The following CHDH variants were observed in gnomAD, a reference collection of about 807,000 sequenced individuals.
CHDH encodes the protein choline dehydrogenase, mitochondrial.
CHDH carries 43 observed loss-of-function variants against 56.9 expected under a neutral mutation model. The observed-to-expected ratio is 0.76, with a 90% CI of 0.59 to 0.97. The LOEUF is 0.97. CHDH is among the 50% of genes least tolerant of loss of function. The probability of loss-of-function intolerance (pLI) is 0.00; values close to 1 mark genes in which losing one functional copy is unlikely to be tolerated. For missense variants in CHDH, 816 were observed against 821.1 expected (o/e 0.99, Z 0.08); for synonymous variants, 364 against 348.5 (o/e 1.04, Z -0.50).
At chr3:53,840,090 G>A (rs1576806849) in intron 2 of CHDH, among the ~76,000 whole-genome samples, 1 of 152,176 alleles carries the variant, frequency 6.6e-6, no homozygotes, top group Non-Finnish European at 1.5e-5. Context: ...GTTAAAGATA[G>A]ACAGTTAGAT....
In CHDH at chr3:53,820,385, A is replaced by G. The variant is rs1230722581; in HGVS notation, c.1120+89T>C. ...AATGGCATAGTTCCGCATCAAACCC[A>G]GTGGCCAGAACCCCTGTTCAGCTCC... On this transcript the variant is annotated intron_variant, in intron 6 of 8. Coordinates refer to ENST00000315251, the MANE Select transcript of CHDH (RefSeq NM_018397.5). The G allele has an allele frequency of 4.8e-6, 7 of 1,460,130 alleles. 1 individual carries two copies. The highest frequency in any genetic ancestry group is 4.1e-4 in the Middle Eastern group (2 of 4,932). The allele number at this position is 1,460,130 out of a possible 1,614,324, so 90.4% of individuals were successfully genotyped here.
At position 53,821,735 on chromosome 3, in the gene CHDH, G is replaced by A. The variant is rs768164442; in HGVS notation, c.897C>T (p.Ile299=). The A allele has an allele frequency of 8.1e-6, 13 of 1,613,926 alleles. No individual in the cohort carries two copies. The highest frequency in any genetic ancestry group is 1.7e-5 in the Admixed American group (1 of 60,000). The change falls in exon 5 of 9, where the codon ATC becomes ATT. Residue 299 remains isoleucine, a synonymous_variant. Coordinates refer to ENST00000315251, the MANE Select transcript of CHDH (RefSeq NM_018397.5). The part of the protein sequence containing the change: ...SKEVILSGGA[I]NSPQLLMLSG... ...AGAGCATGAGCAGCTGTGGAGAGTTGATGGCACCTCCACTCAGAATCACCT... is the reference window on the plus strand; with the variant it reads ...AGAGCATGAGCAGCTGTGGAGAGTTAATGGCACCTCCACTCAGAATCACCT...
intron 5 of CHDH, 77 bp downstream of exon 5, chr3:53,821,570 A>G (rs920746800): frequency 4.0e-5 from 53 of 1,313,086 alleles, no homozygotes; most frequent in Non-Finnish European, 5.7e-5. Flanking sequence ...TCCCCACTTC[A>G]TGCTAATAAG....
chr3:53,819,941 C>A lies in CHDH; in HGVS notation c.1121-267G>T, dbSNP rs1466700248. Among the ~76,000 whole-genome samples, 2 of 152,246 alleles carry A rather than the reference C, an allele frequency of 1.3e-5. No individual in the cohort carries two copies. Among genetic ancestry groups the A allele is most frequent in the East Asian group, 3.8e-4 (2 of 5,198 alleles). The stretch of plus-strand genomic sequence containing the variant: ...CCAATTCTGCCACTGCCCATGCCAC[C>A]TGCCTTACCGGCTCTTCCCACTACC... On this transcript the variant is annotated intron_variant, in intron 6 of 8. Transcript: ENST00000315251. The surrounding 1 kb of genome is among the most constrained non-coding windows in gnomAD (Gnocchi z 5.4).
Position 53,823,838 on chromosome 3 carries a change from C to T in CHDH, c.171G>A (p.Gly57=). The T allele has an allele frequency of 1.3e-6, 2 of 1,587,876 alleles. No homozygotes were observed. Among genetic ancestry groups the T allele is most frequent in the Non-Finnish European group, 1.7e-6 (2 of 1,174,374 alleles). The change falls in exon 3 of 9, where the codon GGG becomes GGA. Residue 57 remains glycine, a synonymous_variant. Coordinates refer to ENST00000315251, the MANE Select transcript of CHDH (RefSeq NM_018397.5). Reference sequence around the variant, plus strand: ...GCTCGGCGGGGTCCTCCGTGAGCCTCCCAGCCAGCACGCAGCCCGCCGAGC... The same window carrying T: ...GCTCGGCGGGGTCCTCCGTGAGCCTTCCAGCCAGCACGCAGCCCGCCGAGC... ...GAGSAGCVLA[G]RLTEDPAERV... is the part of the protein sequence containing the mutation.
intron 4 of CHDH, among the ~76,000 whole-genome samples, chr3:53,822,051 G>C (rs2095627570): frequency 6.6e-6 from 1 of 152,028 alleles, no homozygotes. Context: ...GCATTCAAGT[G>C]GGTGGTTTAG....
intron 1 of CHDH, chr3:53,844,727 T>G (rs568256411): frequency 6.6e-6 from 1 of 152,420 alleles, no homozygotes; most frequent in South Asian, 2.1e-4. Context: ...TGAACGCATG[T>G]TAGTGAATGG....
In CHDH at chr3:53,818,211, A is replaced by G; in HGVS notation, c.1367-16T>C. ...ATATCAGTTTCTGTCGAGGAGAAGA[A>G]ACAGGTGAGGACCCCTCCTTTTGCC... On this transcript the variant is annotated splice_polypyrimidine_tract_variant and intron_variant, in intron 8 of 8. Transcript: ENST00000315251. The G allele has an allele frequency of 6.3e-7, 1 of 1,583,268 alleles. No individual in the cohort carries two copies. The highest frequency in any genetic ancestry group is 8.6e-7 in the Non-Finnish European group (1 of 1,166,512).
Position 53,813,687 on chromosome 3 carries a change from C to T in CHDH, c.*4090G>A, listed in dbSNP as rs1267803781. 1.3e-5 allele frequency: 2 copies of T among 152,186 alleles called. No individual in the cohort carries two copies. The highest frequency in any genetic ancestry group is 4.8e-5 in the African/African-American group (2 of 41,438). 9.4% of individuals were successfully genotyped at this position (152,186 alleles called of 1,614,324 possible). On this transcript the variant is annotated 3_prime_UTR_variant, in exon 9 of 9. Transcript: ENST00000315251. ...ATTTCCTAGTATGTCTGCTTTAAGC[C>T]TGGTTCAACCTCTCATCGAATATTA...
At position 53,823,935 on chromosome 3, in the gene CHDH, A is replaced by AG. The variant is rs1214552786; in HGVS notation, c.73dup (p.Leu25ProfsTer12). 1 of 1,540,254 alleles carries AG rather than the reference A, an allele frequency of 6.5e-7. No individual in the cohort carries two copies. The highest frequency in any genetic ancestry group is 2.0e-5 in the Admixed American group (1 of 50,290). On this transcript the variant is annotated frameshift_variant, in exon 3 of 9. Coordinates refer to ENST00000315251, the MANE Select transcript of CHDH (RefSeq NM_018397.5). LOFTEE classifies it high-confidence loss of function. ...TGCGCTGGCCAGGGCCCGGGCACCC[A>AG]GGGATTGCTGCTGCCCCAGGGCTCC...
chr3:53,818,283 G>A (rs1350206319), intron 8 of CHDH, 88 bp from the exon 9 acceptor site: 1 of 1,200,606 alleles, frequency 8.3e-7, no homozygotes, highest in Non-Finnish European at 1.1e-6. Flanking sequence ...GGCTCTGTAA[G>A]CTGTCTGAGG....
Position 53,812,342 on chromosome 3 carries a change from A to G in CHDH, c.*5435T>C, listed in dbSNP as rs781612090. 1 of 152,252 alleles carries G rather than the reference A, an allele frequency of 6.6e-6. No homozygotes were observed. Among genetic ancestry groups the G allele is most frequent in the African/African-American group, 2.4e-5 (1 of 41,470 alleles). 9.4% of individuals were successfully genotyped at this position (152,252 alleles called of 1,614,324 possible). On this transcript the variant is annotated 3_prime_UTR_variant, in exon 9 of 9. Coordinates refer to ENST00000315251, the MANE Select transcript of CHDH (RefSeq NM_018397.5). ...ATCCAGAAGTAGAAGAAATAGAGCC[A>G]ATTCTCATTTATTCAGCGAAAATCC...
Position 53,823,497 on chromosome 3 carries a change from T to G in CHDH, c.512A>C (p.Gln171Pro), listed in dbSNP as rs1576784355. ...AHCLPYFRKA[Q>P]GHELGASRYR... ...CCGGCTGGCGCCCAGCTCGTGGCCC[T>G]GCGCCTTGCGGAAGTAGGGCAGGCA... Residue 171 changes from glutamine to proline, a missense_variant, in exon 3 of 9, where the codon CAG becomes CCG. By Grantham distance (76) the Gln-to-Pro change is moderately conservative. Coordinates refer to ENST00000315251, the MANE Select transcript of CHDH (RefSeq NM_018397.5). 14 of 1,543,070 alleles carry G rather than the reference T, an allele frequency of 9.1e-6. No homozygotes were observed. The highest frequency in any genetic ancestry group is 1.2e-5 in the Non-Finnish European group (14 of 1,145,674).
chr3:53,826,336 G>T (rs2095639045), intron 2 of CHDH, among the ~76,000 whole-genome samples: 1 of 149,554 alleles, frequency 6.7e-6, no homozygotes, highest in Non-Finnish European at 1.5e-5. Context: ...AACCACTACA[G>T]ACCAATATCT....
rs1008082485 is a variant in CHDH, at chr3:53,815,766, C to T, written c.*2011G>A. 4 of 152,190 alleles carry T rather than the reference C, an allele frequency of 2.6e-5. No individual in the cohort carries two copies. The highest frequency in any genetic ancestry group is 1.5e-5 in the Non-Finnish European group (1 of 68,062). 9.4% of individuals were successfully genotyped at this position (152,190 alleles called of 1,614,324 possible). A position where few individuals can be genotyped will look rare whatever the true frequency, so the allele number is the denominator to read the frequency against. On this transcript the variant is annotated 3_prime_UTR_variant, in exon 9 of 9. Coordinates refer to ENST00000315251, the MANE Select transcript of CHDH (RefSeq NM_018397.5). ...AAGGGTCAGCACAGTCATGGTTGGT[C>T]CAGGACTATCCCCTGCCCCTGAATC...
chr3:53,828,187 A>ACG (rs1559756309), intron 2 of CHDH, among the ~76,000 whole-genome samples: 1 of 151,922 alleles, frequency 6.6e-6, no homozygotes, highest in Non-Finnish European at 1.5e-5. Flanking sequence ...ACACACACAC[A>ACG]CACACACACA....
intron 4 of CHDH, 79 bp from the exon 5 acceptor site, chr3:53,821,855 A>G: frequency 1.3e-6 from 2 of 1,555,876 alleles, no homozygotes; most frequent in Non-Finnish European, 1.7e-6. Flanking sequence ...TACTCTAGCC[A>G]GCACCATGAG....
Position 53,818,117 on chromosome 3 carries a change from CG to C in CHDH, c.1444del (p.Arg482GlufsTer17). ...IFAQEALAPF[R>X]GKELQPGSHI... ...GCTTCCTGGCTGGAGCTCTTTCCCT[CG>C]GAACGGAGCCAGGGCTTCCTGTGCA... On this transcript the variant is annotated frameshift_variant, in exon 9 of 9. Transcript: ENST00000315251. LOFTEE classifies it high-confidence loss of function. 1.2e-6 allele frequency: 2 copies of C among 1,614,040 alleles called. No individual in the cohort carries two copies. The highest frequency in any genetic ancestry group is 1.7e-6 in the Non-Finnish European group (2 of 1,179,954).
chr3:53,835,868 C>T (rs964810113), intron 2 of CHDH, among the ~76,000 whole-genome samples: 6 of 152,130 alleles, frequency 3.9e-5, no homozygotes, highest in Non-Finnish European at 5.9e-5. Flanking sequence ...GAGAGGGAAA[C>T]GAGCCTGAAG....
Sources: allele counts gnomAD v4.1 joint callset (sites outside exome capture counted in the v4.1 genomes callset), GRCh38; gene constraint gnomAD v4.1.1; non-coding constraint Gnocchi (gnomAD v3.1); transcripts MANE v1.5; gene names NCBI Gene and HGNC (gene_info 2026-07-23, HGNC 2026-07-21).